The following ATXN10 variants were observed in gnomAD, a reference collection of about 807,000 sequenced individuals.
The protein encoded by ATXN10 is ataxin 10, also known as ataxin-10.
Under a neutral mutation model 52.9 loss-of-function variants are expected in ATXN10, and 28 were observed. That is an observed-to-expected ratio of 0.53 (90% CI 0.39 to 0.73). ATXN10 has a LOEUF of 0.73. Among genes scored for constraint, ATXN10 ranks in the 30% least tolerant of loss-of-function variants. The pLI is 0.00. For synonymous variants in ATXN10, 226 were observed against 221.5 expected, an observed-to-expected ratio of 1.02 and a Z score of -0.18; for missense variants, 565 against 577.0, an observed-to-expected ratio of 0.98 and a Z score of 0.21.
At position 45,822,523 on chromosome 22, in the gene ATXN10, ATTT is replaced by A. The variant is rs763159693; in HGVS notation, c.1237+15524_1237+15526del. ...TTGTGATTTTATTTGAATTTCTCCAATTTTTTTTTTTTTTTTTTTTTTTTTGAG... is the reference window on the plus strand; with the variant it reads ...TTGTGATTTTATTTGAATTTCTCCAATTTTTTTTTTTTTTTTTTTTTTGAG... On this transcript the variant is annotated intron_variant, in intron 10 of 11. Transcript: ENST00000252934. 8.3e-3 allele frequency among the ~76,000 whole-genome samples: 806 copies of A among 96,554 alleles called. 5 individuals are homozygous for A. The highest frequency in any genetic ancestry group is 0.019 in the South Asian group (56 of 2,958). 63.3% of individuals were successfully genotyped at this position (96,554 alleles called of 152,430 possible). A position where few individuals can be genotyped will look rare whatever the true frequency, so the allele number is the denominator to read the frequency against.
rs926799327 is a variant in ATXN10, at chr22:45,826,047, G to A, written c.1238-16944G>A. On this transcript the variant is annotated intron_variant, in intron 10 of 11. Coordinates refer to ENST00000252934, the MANE Select transcript of ATXN10 (RefSeq NM_013236.4). This position sits in a 1 kb window ranked among gnomAD's most constrained non-coding sequence, Gnocchi z 5.0. The stretch of plus-strand genomic sequence containing the variant: ...ACTGTGCTGTAGCCTGGGGAACAGA[G>A]CCAGGCCCTGTCTCTAAATCAAAAC... Among the ~76,000 whole-genome samples, 2 of 152,110 alleles carry A rather than the reference G, an allele frequency of 1.3e-5. No homozygotes were observed. Among genetic ancestry groups the A allele is most frequent in the African/African-American group, 4.8e-5 (2 of 41,414 alleles).
At chr22:45,719,908 A>G (rs1924585009) in intron 6 of ATXN10, among the ~76,000 whole-genome samples, 1 of 152,040 alleles carries the variant, frequency 6.6e-6, no homozygotes, top group Non-Finnish European at 1.5e-5. Context: ...GATTGTTGGC[A>G]CCCTGAGGGC....
At chr22:45,829,739 G>A (rs920390917) in intron 10 of ATXN10, among the ~76,000 whole-genome samples, 3 of 152,062 alleles carry the variant, frequency 2.0e-5, no homozygotes, top group South Asian at 2.1e-4. Flanking sequence ...AGACATAAAC[G>A]GGAACACATC....
Position 45,684,773 on chromosome 22 carries a change from AGT to A in ATXN10, c.117-4935_117-4934del, listed in dbSNP as rs1312398892. 6.6e-6 allele frequency among the ~76,000 whole-genome samples: 1 copy of A among 152,234 alleles called. No homozygotes were observed. The highest frequency in any genetic ancestry group is 1.5e-5 in the Non-Finnish European group (1 of 68,034). On this transcript the variant is annotated intron_variant, in intron 1 of 11. Coordinates refer to ENST00000252934, the MANE Select transcript of ATXN10 (RefSeq NM_013236.4). The surrounding 1 kb of genome is among the most constrained non-coding windows in gnomAD (Gnocchi z 4.1). ...TGGATGTGACAGAAGAGGAGAGAAG[AGT>A]GTGAAAAGAAGTTTTGAGTTCTGCG...
At chr22:45,713,314 A>G (rs1204983292) in intron 5 of ATXN10, among the ~76,000 whole-genome samples, 1 of 152,218 alleles carries the variant, frequency 6.6e-6, no homozygotes, top group Non-Finnish European at 1.5e-5. Context: ...AGAAGGAAAA[A>G]GATGAGAAGA....
rs1036912404 is a variant in ATXN10 at position 45,681,975 on chromosome 22, C to A, written c.117-7737C>A. Among the ~76,000 whole-genome samples, 1 of 152,162 alleles carries A rather than the reference C, an allele frequency of 6.6e-6. No homozygotes were observed. The highest frequency in any genetic ancestry group is 2.1e-4 in the South Asian group (1 of 4,826). On this transcript the variant is annotated intron_variant, in intron 1 of 11. Coordinates refer to ENST00000252934, the MANE Select transcript of ATXN10 (RefSeq NM_013236.4). This position sits in a 1 kb window ranked among gnomAD's most constrained non-coding sequence, Gnocchi z 4.2. ...CCTTTGCTTCTGGTCTGTGGATTAG[C>A]GATCTTGCTCTGAATATGAGCTCCC...
Position 45,784,897 on chromosome 22 carries a change from A to G in ATXN10, c.1174-22062A>G, listed in dbSNP as rs1289096655. The stretch of plus-strand genomic sequence containing the variant: ...ACAACAAGCAATTGAGATTCTGTCC[A>G]TGAGTTAAAAATTAAAGACTGAATG... On this transcript the variant is annotated intron_variant, in intron 9 of 11. Coordinates refer to ENST00000252934, the MANE Select transcript of ATXN10 (RefSeq NM_013236.4). This position sits in a 1 kb window ranked among gnomAD's most constrained non-coding sequence, Gnocchi z 4.2. 6.6e-6 allele frequency among the ~76,000 whole-genome samples: 1 copy of G among 152,244 alleles called. No homozygotes were observed. The highest frequency in any genetic ancestry group is 2.4e-5 in the African/African-American group (1 of 41,462).
chr22:45,805,230 A>C lies in ATXN10; in HGVS notation c.1174-1729A>C, dbSNP rs1384156299. ...AGCAAGTGTTTATGAGATTGTGGAGATGCTGGAACCCTCATAAATTGCTGG... is the reference window on the plus strand; with the variant it reads ...AGCAAGTGTTTATGAGATTGTGGAGCTGCTGGAACCCTCATAAATTGCTGG... On this transcript the variant is annotated intron_variant, in intron 9 of 11. Coordinates refer to ENST00000252934, the MANE Select transcript of ATXN10 (RefSeq NM_013236.4). The surrounding 1 kb of genome is among the most constrained non-coding windows in gnomAD (Gnocchi z 4.4). Among the ~76,000 whole-genome samples, 2 of 152,210 alleles carry C rather than the reference A, an allele frequency of 1.3e-5. No individual in the cohort carries two copies. Among genetic ancestry groups the C allele is most frequent in the African/African-American group, 4.8e-5 (2 of 41,454 alleles).
At chr22:45,689,575 T>TCGC in intron 1 of ATXN10, 137 bp from the exon 2 acceptor site, 1 of 600,434 alleles carries the variant, frequency 1.7e-6, no homozygotes, top group South Asian at 2.0e-5. Context: ...TTTTATTTGG[T>TCGC]GTTGTAAATT....
chr22:45,707,247 C>T (rs1019682005), intron 5 of ATXN10, among the ~76,000 whole-genome samples: 1 of 152,092 alleles, frequency 6.6e-6, no homozygotes, highest in Non-Finnish European at 1.5e-5. Context: ...ACCTGTAATC[C>T]CACTTGCATT....
intron 10 of ATXN10, among the ~76,000 whole-genome samples, chr22:45,838,358 C>G (rs575457080): frequency 1.3e-5 from 2 of 152,260 alleles, no homozygotes; most frequent in Admixed American, 1.3e-4. Context: ...TGGCCTGGGT[C>G]AAGACCCCAG....
rs544362367 is a variant in ATXN10, at chr22:45,837,614, C to T, written c.1238-5377C>T. 2.0e-5 allele frequency among the ~76,000 whole-genome samples: 3 copies of T among 152,284 alleles called. No homozygotes were observed. The highest frequency in any genetic ancestry group is 2.4e-5 in the African/African-American group (1 of 41,536). Reference sequence around the variant, plus strand: ...CATTAGTGCTTCCCATGTTCTAGGCCGGAAGTTGGCACACCTTTTCTGTGA... The same window carrying T: ...CATTAGTGCTTCCCATGTTCTAGGCTGGAAGTTGGCACACCTTTTCTGTGA... On this transcript the variant is annotated intron_variant, in intron 10 of 11. Coordinates refer to ENST00000252934, the MANE Select transcript of ATXN10 (RefSeq NM_013236.4). This position sits in a 1 kb window ranked among gnomAD's most constrained non-coding sequence, Gnocchi z 5.8.
chr22:45,675,830 A>G (rs757853976), intron 1 of ATXN10: 11 of 152,252 alleles, frequency 7.2e-5, no homozygotes, highest in Admixed American at 4.6e-4. Context: ...TCTGTAACCC[A>G]CTTCTTAAAC....
At chr22:45,748,322 C>A (rs909766789) in intron 9 of ATXN10, among the ~76,000 whole-genome samples, 2 of 152,132 alleles carry the variant, frequency 1.3e-5, no homozygotes, top group African/African-American at 4.8e-5. Flanking sequence ...TATGTATTTA[C>A]ATAGAAATTT....
intron 3 of ATXN10, among the ~76,000 whole-genome samples, chr22:45,695,171 A>C (rs1025612993): frequency 6.6e-6 from 1 of 151,320 alleles, no homozygotes; most frequent in Non-Finnish European, 1.5e-5. Context: ...AAAAATACAA[A>C]AAATTAGCCG....
chr22:45,804,787 C>G (rs7290098), intron 9 of ATXN10, among the ~76,000 whole-genome samples: 1,704 of 152,256 alleles, frequency 0.011, 39 homozygotes, highest in African/African-American at 0.039. Flanking sequence ...AAGGCACATT[C>G]ACAGAGTCTC....
intron 2 of ATXN10, 37 bp from the exon 3 acceptor site, chr22:45,692,959 T>G (rs1923441936): frequency 6.4e-7 from 1 of 1,561,322 alleles, no homozygotes; most frequent in Non-Finnish European, 8.8e-7. Context: ...TATGAATGAA[T>G]GAACATGTCT....
At chr22:45,793,622 T>G in intron 9 of ATXN10, 1 of 1,339,904 alleles carries the variant, frequency 7.5e-7, no homozygotes, top group Non-Finnish European at 9.7e-7. Context: ...GCTTCAGAAG[T>G]CACAGTCTGT....
chr22:45,783,988 C>G lies in ATXN10; in HGVS notation c.1174-22971C>G, dbSNP rs1927239495. 6.6e-6 allele frequency among the ~76,000 whole-genome samples: 1 copy of G among 152,174 alleles called. No homozygotes were observed. The highest frequency in any genetic ancestry group is 2.1e-4 in the South Asian group (1 of 4,826). The stretch of plus-strand genomic sequence containing the variant: ...GCCCACTACCCGCATTTGTCCCTGA[C>G]TGCTTTGCAGGCCGTCCCCTGTCCT... On this transcript the variant is annotated intron_variant, in intron 9 of 11. Transcript: ENST00000252934. This position sits in a 1 kb window ranked among gnomAD's most constrained non-coding sequence, Gnocchi z 5.0.
Sources: gnomAD v4.1 joint callset for allele counts (sites outside exome capture counted in the v4.1 genomes callset) on GRCh38, gnomAD v4.1.1 for gene constraint, Gnocchi (gnomAD v3.1) non-coding constraint, MANE v1.5 for transcripts, NCBI Gene and HGNC (gene_info 2026-07-23, HGNC 2026-07-21) for gene names.